The following ZNF680 variants were observed in gnomAD, a reference collection of about 807,000 sequenced individuals.
ZNF680 encodes the protein hypothetical protein FLJ90430.
ZNF680 carries 6 observed loss-of-function variants against 12.1 expected under a neutral mutation model. The observed-to-expected ratio is 0.49, with a 90% CI of 0.27 to 0.98. ZNF680 has a LOEUF of 0.98. ZNF680 is among the 50% of genes least tolerant of loss of function. ZNF680 has a pLI of 0.12. For synonymous variants in ZNF680, 170 were observed against 199.3 expected (o/e 0.85, Z 1.24); for missense variants, 561 against 616.3 (o/e 0.91, Z 0.95).
At chr7:64,536,716 A>G (rs1786187821) in intron 3 of ZNF680, among the ~76,000 whole-genome samples, 1 of 152,230 alleles carries the variant, frequency 6.6e-6, no homozygotes, top group Non-Finnish European at 1.5e-5. Context: ...AACAGAATAT[A>G]TGATATTCTT....
In ZNF680 at chr7:64,521,016, T is replaced by C. The variant is rs186332171; in HGVS notation, c.*145A>G. ...AGATGTGAGTATTGGTTAAGTTTTG[T>C]CACATTCTTTACACTTATAAAGTTT... On this transcript the variant is annotated 3_prime_UTR_variant, in exon 4 of 4. Transcript: ENST00000309683. 2.1e-5 allele frequency: 18 copies of C among 877,240 alleles called. No homozygotes were observed. The highest frequency in any genetic ancestry group is 3.1e-5 in the Non-Finnish European group (18 of 589,678). The allele number at this position is 877,240 out of a possible 1,614,324, so 54.3% of individuals were successfully genotyped here. A position where few individuals can be genotyped will look rare whatever the true frequency, so the allele number is the denominator to read the frequency against.
chr7:64,549,666 GAT>G (rs1786966225), intron 1 of ZNF680, among the ~76,000 whole-genome samples: 1 of 147,310 alleles, frequency 6.8e-6, no homozygotes, highest in Admixed American at 6.8e-5. Flanking sequence ...CATTCTAAAT[GAT>G]ATGTCTACCT....
chr7:64,511,670 T>A, the ZNF680 span, among the ~76,000 whole-genome samples: 7 of 152,040 alleles, frequency 4.6e-5, no homozygotes, highest in Non-Finnish European at 1.0e-4. Context: ...CTAAACATAA[T>A]TGTAAACAGG....
At chr7:64,526,292 T>G in intron 3 of ZNF680, 2 of 1,159,204 alleles carry the variant, frequency 1.7e-6, no homozygotes, top group South Asian at 8.4e-5. Flanking sequence ...CAAGAATACT[T>G]GATTCAAGAT....
chr7:64,555,855 T>C (rs962420930), intron 1 of ZNF680, among the ~76,000 whole-genome samples: 1 of 151,886 alleles, frequency 6.6e-6, no homozygotes. Flanking sequence ...CAAATAACTA[T>C]TGAAGTCTAC....
the ZNF680 span, among the ~76,000 whole-genome samples, chr7:64,505,909 C>T: frequency 1.3e-5 from 2 of 152,100 alleles, no homozygotes; most frequent in African/African-American, 4.8e-5. Flanking sequence ...CATGGCCCAC[C>T]TAGAAATCAC....
At chr7:64,523,775 T>C (rs1791675482) in intron 3 of ZNF680, among the ~76,000 whole-genome samples, 2 of 151,822 alleles carry the variant, frequency 1.3e-5, no homozygotes, top group Admixed American at 1.3e-4. Flanking sequence ...TAGCTGGGCA[T>C]GGTGGTGGGC....
At chr7:64,543,452 A>G (rs1786613818) in intron 3 of ZNF680, among the ~76,000 whole-genome samples, 1 of 152,228 alleles carries the variant, frequency 6.6e-6, no homozygotes, top group Admixed American at 6.5e-5. Context: ...GCAGTCTCTT[A>G]TAAGCCATAA....
At chr7:64,559,421 A>C (rs1465468033) in intron 1 of ZNF680, among the ~76,000 whole-genome samples, 1 of 151,986 alleles carries the variant, frequency 6.6e-6, no homozygotes, top group Non-Finnish European at 1.5e-5. Flanking sequence ...GTGACTCAGC[A>C]AGTCTGGAGC....
rs914342135 is a variant in ZNF680 at position 64,543,692 on chromosome 7, A to G, written c.253+15T>C. ...ATCTGTGTCATCTGTTGTATTCACT[A>G]TCACTCTCACCTACCTGGGGGTTTG... On this transcript the variant is annotated intron_variant, in intron 3 of 3. Transcript: ENST00000309683. 14 of 1,605,504 alleles carry G rather than the reference A, an allele frequency of 8.7e-6. No homozygotes were observed. The highest frequency in any genetic ancestry group is 1.1e-5 in the Non-Finnish European group (13 of 1,173,006).
rs368933143 is a variant in ZNF680 at position 64,554,373 on chromosome 7, G to C, written c.30+8552C>G. Among the ~76,000 whole-genome samples the C allele has an allele frequency of 2.6e-5, 4 of 151,518 alleles. No homozygotes were observed. In the East Asian group the frequency reaches 7.8e-4, roughly 30 times the overall value. On this transcript the variant is annotated intron_variant, in intron 1 of 3. Transcript: ENST00000309683. ...GCAGCCGCCCCGTCCGGGAGGTGGG[G>C]GGCAGCCCCAGCCCGGCCAGCTGCC...
chr7:64,555,972 C>T lies in ZNF680; in HGVS notation c.30+6953G>A, dbSNP rs113463947. ...TACAAAAATCAGTAACATCTCTGAA[C>T]ATCAACAACATTCAACCTAAGGCCA... On this transcript the variant is annotated intron_variant, in intron 1 of 3. Transcript: ENST00000309683. 9.2e-3 allele frequency among the ~76,000 whole-genome samples: 1,392 copies of T among 151,584 alleles called. 21 individuals are homozygous for T. The highest frequency in any genetic ancestry group is 0.031 in the African/African-American group (1,289 of 41,468).
the ZNF680 span, among the ~76,000 whole-genome samples, chr7:64,506,190 T>C: frequency 7.4e-6 from 1 of 135,398 alleles, no homozygotes; most frequent in African/African-American, 2.8e-5. Flanking sequence ...AATAGTCTTT[T>C]AGATTTTTTT....
At chr7:64,548,777 C>T (rs1158264077) in intron 1 of ZNF680, among the ~76,000 whole-genome samples, 1 of 151,992 alleles carries the variant, frequency 6.6e-6, no homozygotes, top group East Asian at 1.9e-4. Flanking sequence ...TGACCCTGGG[C>T]TGATGACCCG....
Position 64,527,831 on chromosome 7 carries a change from G to A in ZNF680, c.254-5331C>T, listed in dbSNP as rs75102390. Among the ~76,000 whole-genome samples the A allele has an allele frequency of 9.3e-3, 1,414 of 152,296 alleles. 19 individuals carry two copies. Among genetic ancestry groups the A allele is most frequent in the African/African-American group, 0.032 (1,342 of 41,552 alleles). On this transcript the variant is annotated intron_variant, in intron 3 of 3. Transcript: ENST00000309683. ...ACTAGACTGCAGCTCCAACTCAGGC[G>A]AACAAAGCAGTGTGTGAAGGCTTGC...
chr7:64,530,392 C>T (rs1785796187), intron 3 of ZNF680, among the ~76,000 whole-genome samples: 1 of 152,108 alleles, frequency 6.6e-6, no homozygotes, highest in African/African-American at 2.4e-5. Flanking sequence ...TAAGAATTAA[C>T]CAACCATCTG....
chr7:64,549,747 G>A lies in ZNF680; in HGVS notation c.31-5315C>T, dbSNP rs55940481. Among the ~76,000 whole-genome samples, 1,475 of 151,846 alleles carry A rather than the reference G, an allele frequency of 9.7e-3. 25 individuals are homozygous for A. Among genetic ancestry groups the A allele is most frequent in the African/African-American group, 0.034 (1,413 of 41,406 alleles). On this transcript the variant is annotated intron_variant, in intron 1 of 3. Transcript: ENST00000309683. ...TGTAATCCCAGCACTTTGGGAGGCC[G>A]AGGCAGGTAGATCACCTGAGGTCAG...
At chr7:64,510,105 AAAC>A in the ZNF680 span, among the ~76,000 whole-genome samples, 1 of 151,900 alleles carries the variant, frequency 6.6e-6, no homozygotes, top group African/African-American at 2.4e-5. Flanking sequence ...GCCAGTCAAA[AAAC>A]AACAATAACA....
At chr7:64,536,982 A>T (rs1035123686) in intron 3 of ZNF680, among the ~76,000 whole-genome samples, 2 of 152,108 alleles carry the variant, frequency 1.3e-5, no homozygotes, top group Non-Finnish European at 2.9e-5. Context: ...AGGTGGAAGG[A>T]TCACTTGAGC....
Sources: allele counts gnomAD v4.1 joint callset (sites outside exome capture counted in the v4.1 genomes callset), GRCh38; gene constraint gnomAD v4.1.1; transcripts MANE v1.5; gene names NCBI Gene and HGNC (gene_info 2026-07-23, HGNC 2026-07-21).